Variants in MYO3A observed in about 807,000 individuals in gnomAD.
MYO3A encodes the protein myosin-IIIa.
A neutral mutation model predicts 192.7 loss-of-function variants in MYO3A; 180 were observed. The ratio of observed to expected loss-of-function variants is 0.93; its 90% CI spans 0.83 to 1.06. The LOEUF (loss-of-function observed/expected upper bound fraction) is 1.06. Among genes scored for constraint, MYO3A ranks in the 50% least tolerant of loss-of-function variants. The probability of loss-of-function intolerance (pLI) is 0.00; values close to 1 mark genes in which losing one functional copy is unlikely to be tolerated. For synonymous variants in MYO3A, 628 were observed against 645.3 expected (o/e 0.97, Z 0.41); for missense variants, 1,896 against 1,905.0 (o/e 1.00, Z 0.09).
At chr10:26,099,457 A>T (rs1837288560) in intron 17 of MYO3A, among the ~76,000 whole-genome samples, 1 of 152,110 alleles carries the variant, frequency 6.6e-6, no homozygotes, top group African/African-American at 2.4e-5. Context: ...GTTGAATAGG[A>T]GTGGTGAGAG....
chr10:26,085,172 G>A (rs543374988), intron 14 of MYO3A, among the ~76,000 whole-genome samples: 203 of 133,172 alleles, frequency 1.5e-3, no homozygotes, highest in Non-Finnish European at 2.6e-3. Context: ...ACTAGTTAAG[G>A]GTTTGTCAAT....
Position 26,168,810 on chromosome 10 carries a change from G to A in MYO3A, c.3210G>A (p.Leu1070=). Reference sequence around the variant, plus strand: ...TTCAAGCTTGTGTCAGAGCATTCTTGTGTTCAAGAAGATACCAAAAAATAC... The same window carrying A: ...TTCAAGCTTGTGTCAGAGCATTCTTATGTTCAAGAAGATACCAAAAAATAC... ...ILIQACVRAF[L]CSRRYQKIQE... The change falls in exon 28 of 35, where the codon TTG becomes TTA. Residue 1070 remains leucine (L), a synonymous_variant. Coordinates refer to ENST00000642920, the MANE Select transcript of MYO3A (RefSeq NM_017433.5). 1 of 1,613,116 alleles carries A rather than the reference G, an allele frequency of 6.2e-7. No individual in the cohort carries two copies. The highest frequency in any genetic ancestry group is 8.5e-7 in the Non-Finnish European group (1 of 1,179,714).
intron 4 of MYO3A, among the ~76,000 whole-genome samples, chr10:25,991,540 GGCTTTTGTTGCCATT>G (rs1265600930): frequency 6.6e-6 from 1 of 151,900 alleles, no homozygotes; most frequent in African/African-American, 2.4e-5. Flanking sequence ...TGTCAATTTT[GGCTTTTGTTGCCATT>G]GCTTTTGGTG....
chr10:26,199,271 G>T (rs562806304), intron 32 of MYO3A, among the ~76,000 whole-genome samples: 2 of 152,278 alleles, frequency 1.3e-5, no homozygotes, highest in East Asian at 3.9e-4. Flanking sequence ...TCTAACACAA[G>T]GCCACGCGCA....
At chr10:26,191,586 A>G (rs911897408) in intron 31 of MYO3A, among the ~76,000 whole-genome samples, 1 of 152,154 alleles carries the variant, frequency 6.6e-6, no homozygotes, top group Non-Finnish European at 1.5e-5. Flanking sequence ...CATGCACTAC[A>G]CCTCTGTGAA....
At chr10:26,123,346 G>C (rs749997219) in intron 18 of MYO3A, among the ~76,000 whole-genome samples, 2 of 152,050 alleles carry the variant, frequency 1.3e-5, no homozygotes, top group African/African-American at 2.4e-5. Flanking sequence ...CTATGAAGAG[G>C]CTCATATAAA....
At chr10:26,159,505 G>T (rs112580132) in intron 26 of MYO3A, among the ~76,000 whole-genome samples, 3 of 150,132 alleles carry the variant, frequency 2.0e-5, no homozygotes, top group Admixed American at 6.6e-5. Flanking sequence ...TCAGCCTCCC[G>T]AGTAGCTGGG....
At chr10:26,190,404 C>T (rs74672138) in intron 31 of MYO3A, among the ~76,000 whole-genome samples, 8,996 of 152,090 alleles carry the variant, frequency 0.059, 345 homozygotes, top group Non-Finnish European at 0.085. Flanking sequence ...ATGATGACTG[C>T]GGGTTCATTT....
At chr10:26,093,522 C>G (rs1189165994) in intron 15 of MYO3A, among the ~76,000 whole-genome samples, 1 of 152,176 alleles carries the variant, frequency 6.6e-6, no homozygotes, top group Non-Finnish European at 1.5e-5. Flanking sequence ...TGGACCACCC[C>G]TTTTCTTGAA....
At chr10:25,956,726 GT>G (rs1267011536) in intron 4 of MYO3A, among the ~76,000 whole-genome samples, 6 of 151,680 alleles carry the variant, frequency 4.0e-5, no homozygotes, top group African/African-American at 1.2e-4. Flanking sequence ...ATTTTTGTAT[GT>G]TTTTTTCTTT....
chr10:26,017,086 A>C (rs999809856), intron 7 of MYO3A, among the ~76,000 whole-genome samples, 190 bp downstream of exon 7: 2 of 152,252 alleles, frequency 1.3e-5, no homozygotes, highest in Non-Finnish European at 2.9e-5. Flanking sequence ...GCTGTGAATG[A>C]ACACGAGTCA....
rs894972102 is a variant in MYO3A, at chr10:26,169,427, T to G, written c.3274+553T>G. On this transcript the variant is annotated intron_variant, in intron 28 of 34. Coordinates refer to ENST00000642920, the MANE Select transcript of MYO3A (RefSeq NM_017433.5). ...TAGAGCTTGTCACAGCCTAGTATGCTCTCTTTCAAATTTTTTTGACTGGAT... is the reference window on the plus strand; with the variant it reads ...TAGAGCTTGTCACAGCCTAGTATGCGCTCTTTCAAATTTTTTTGACTGGAT... Among the ~76,000 whole-genome samples, 35 of 152,120 alleles carry G rather than the reference T, an allele frequency of 2.3e-4. 1 individual carries two copies. Among genetic ancestry groups the G allele is most frequent in the African/African-American group, 8.5e-4 (35 of 41,410 alleles).
At chr10:26,159,408 G>A (rs2131950757) in intron 26 of MYO3A, among the ~76,000 whole-genome samples, 1 of 147,350 alleles carries the variant, frequency 6.8e-6, no homozygotes, top group African/African-American at 2.5e-5. Flanking sequence ...CACCCAGGCT[G>A]GAGTGCAGTG....
intron 26 of MYO3A, among the ~76,000 whole-genome samples, chr10:26,159,163 T>G (rs1841336310): frequency 6.6e-6 from 1 of 150,894 alleles, no homozygotes; most frequent in African/African-American, 2.4e-5. Context: ...GCTAATTTTT[T>G]GTACTTTTAG....
chr10:26,012,913 G>A (rs1043145867), intron 6 of MYO3A, among the ~76,000 whole-genome samples: 1 of 152,052 alleles, frequency 6.6e-6, no homozygotes, highest in Non-Finnish European at 1.5e-5. Flanking sequence ...CATGGTACAG[G>A]TATAAAAGTA....
intron 4 of MYO3A, among the ~76,000 whole-genome samples, chr10:25,960,642 A>G (rs1450636369): frequency 6.6e-6 from 1 of 152,192 alleles, no homozygotes; most frequent in Non-Finnish European, 1.5e-5. Context: ...TTTACTGTTC[A>G]TTAAGTGGAA....
chr10:26,041,107 C>A (rs1344324863), intron 10 of MYO3A, among the ~76,000 whole-genome samples: 1 of 152,004 alleles, frequency 6.6e-6, no homozygotes, highest in African/African-American at 2.4e-5. Flanking sequence ...ATTGTTATAT[C>A]CTCCTGCTGA....
intron 4 of MYO3A, among the ~76,000 whole-genome samples, chr10:25,988,219 G>C (rs2130839325): frequency 6.6e-6 from 1 of 152,200 alleles, no homozygotes; most frequent in South Asian, 2.1e-4. Context: ...GGGAAAGTGT[G>C]GGTGGGTGGT....
intron 4 of MYO3A, among the ~76,000 whole-genome samples, chr10:25,966,192 T>G (rs1317581678): frequency 6.6e-6 from 1 of 152,172 alleles, no homozygotes; most frequent in East Asian, 1.9e-4. Context: ...CGATATACTT[T>G]GAAGAGGTAT....
Sources: gnomAD v4.1 joint callset for allele counts (sites outside exome capture counted in the v4.1 genomes callset) on GRCh38, gnomAD v4.1.1 for gene constraint, MANE v1.5 for transcripts, NCBI Gene and HGNC (gene_info 2026-07-23, HGNC 2026-07-21) for gene names.